Variants in PPARGC1B observed in about 807,000 individuals in gnomAD.
The protein encoded by PPARGC1B is peroxisome proliferator-activated receptor gamma coactivator 1-beta.
Under a neutral mutation model 101.6 loss-of-function variants are expected in PPARGC1B, and 34 were observed. The ratio of observed to expected loss-of-function variants is 0.33; its 90% confidence interval spans 0.25 to 0.45. The LOEUF (loss-of-function observed/expected upper bound fraction) is 0.45, where lower values mean the gene tolerates loss of function less well. Ranked by LOEUF, PPARGC1B falls within the 20% of genes least tolerant of loss-of-function variation. The pLI, the probability that PPARGC1B is intolerant of heterozygous loss-of-function variation, is 1.00. For missense variants in PPARGC1B, 1,234 were observed against 1,317.6 expected, an observed-to-expected ratio of 0.94 and a Z score of 0.98; for synonymous variants, 548 against 539.3, an observed-to-expected ratio of 1.02 and a Z score of -0.22.
chr5:149,827,842 G>A (rs1053065247), intron 3 of PPARGC1B, among the ~76,000 whole-genome samples: 1 of 152,176 alleles, frequency 6.6e-6, no homozygotes, highest in East Asian at 1.9e-4. Context: ...CTCTCAATCC[G>A]GGCTGAGAGC....
In PPARGC1B at chr5:149,847,803, C is replaced by G. The variant is rs1307750609; in HGVS notation, c.*245C>G. 1 of 513,024 alleles carries G rather than the reference C, an allele frequency of 1.9e-6. No individual in the cohort carries two copies. Among genetic ancestry groups the G allele is most frequent in the Non-Finnish European group, 3.5e-6 (1 of 287,328 alleles). 31.8% of individuals were successfully genotyped at this position (513,024 alleles called of 1,614,324 possible). ...CACTGCCACATTAGTGTCCTCGCTT[C>G]CAACGGGTTGTCCCGGGTGCACCTC... is the stretch of plus-strand genomic sequence containing the variant. On this transcript the variant is annotated 3_prime_UTR_variant, in exon 12 of 12. Coordinates refer to ENST00000309241, the MANE Select transcript of PPARGC1B (RefSeq NM_133263.4).
At chr5:149,785,044 C>G (rs1162434093) in intron 1 of PPARGC1B, among the ~76,000 whole-genome samples, 3 of 152,210 alleles carry the variant, frequency 2.0e-5, no homozygotes, top group Non-Finnish European at 4.4e-5. Context: ...TTTATATACT[C>G]TCTCAGGGTG....
chr5:149,753,539 A>C (rs936383448), intron 1 of PPARGC1B, among the ~76,000 whole-genome samples: 18 of 152,120 alleles, frequency 1.2e-4, no homozygotes, highest in African/African-American at 4.3e-4. Flanking sequence ...TAGTTAAAAA[A>C]ATTTTTTTTA....
rs560944880 is a variant in PPARGC1B, at chr5:149,852,807, C to T, written c.*5249C>T. On this transcript the variant is annotated 3_prime_UTR_variant, in exon 12 of 12. Transcript: ENST00000309241. ...ATGGGGCAACAGGAGGCATTGATCG[C>T]GCTGCATATGTTTAGGGCAGCTTTT... 5.9e-5 allele frequency: 9 copies of T among 151,518 alleles called. No homozygotes were observed. The highest frequency in any genetic ancestry group is 1.9e-4 in the African/African-American group (8 of 41,250). The allele number at this position is 151,518 out of a possible 1,614,324, so 9.4% of individuals were successfully genotyped here.
At position 149,833,233 on chromosome 5, in the gene PPARGC1B, G is replaced by T. The variant is rs368473285; in HGVS notation, c.1160G>T (p.Arg387Leu). The change falls in exon 5 of 12, where the codon CGC (arginine) becomes CTC (leucine). Residue 387 changes from arginine (R) to leucine (L), a missense_variant. This residue lies in a region of PPARGC1B where 734 missense variants were observed against 768.4 expected (regional missense o/e 0.96). Transcript: ENST00000309241. This position sits in a 1 kb window ranked among gnomAD's most constrained non-coding sequence, Gnocchi z 4.1. Reference sequence around the variant, plus strand: ...AAAGACAGTCAGGCCTCCCCTGGTCGCCCGTCCTCGGTGGAGGAGGTAAGG... The same window carrying T: ...AAAGACAGTCAGGCCTCCCCTGGTCTCCCGTCCTCGGTGGAGGAGGTAAGG... ...PPKDSQASPG[R>L]PSSVEEVRIA... The T allele has an allele frequency of 1.9e-6, 3 of 1,613,170 alleles. No individual in the cohort carries two copies. In the South Asian group the frequency reaches 3.3e-5, roughly 18 times the overall value.
intron 1 of PPARGC1B, among the ~76,000 whole-genome samples, chr5:149,765,385 A>C (rs1755872215): frequency 6.6e-6 from 1 of 152,198 alleles, no homozygotes; most frequent in Non-Finnish European, 1.5e-5. Context: ...CCATCTCTGG[A>C]GCAGAACCAC....
At chr5:149,762,208 G>A (rs1308253628) in intron 1 of PPARGC1B, among the ~76,000 whole-genome samples, 2 of 151,338 alleles carry the variant, frequency 1.3e-5, no homozygotes, top group Admixed American at 6.6e-5. Flanking sequence ...GAGTGCAGGG[G>A]TGCAATCTCG....
intron 1 of PPARGC1B, among the ~76,000 whole-genome samples, chr5:149,738,593 C>T (rs1256901553): frequency 6.6e-6 from 1 of 151,222 alleles, no homozygotes; most frequent in East Asian, 2.0e-4. Flanking sequence ...GAAAGCCTGC[C>T]CTCTCTGGAA....
rs762495323 is a variant in PPARGC1B at position 149,833,688 on chromosome 5, G to A, written c.1615G>A (p.Gly539Arg). Residue 539 changes from glycine to arginine, a missense_variant, in exon 5 of 12, where the codon GGA (glycine) becomes AGA (arginine). This residue lies in a region of PPARGC1B where 734 missense variants were observed against 768.4 expected (regional missense o/e 0.96). Transcript: ENST00000309241. This position sits in a 1 kb window ranked among gnomAD's most constrained non-coding sequence, Gnocchi z 4.1. Reference sequence around the variant, plus strand: ...TGGCCAAGACCAGCAGCTCCTACGGGGACCCCAGATCCCTGCCCTGGAGAG... The same window carrying A: ...TGGCCAAGACCAGCAGCTCCTACGGAGACCCCAGATCCCTGCCCTGGAGAG... ...DSGQDQQLLR[G>R]PQIPALESPC... 22 of 1,608,818 alleles carry A rather than the reference G, an allele frequency of 1.4e-5. No homozygotes were observed. The South Asian group carries it at 2.3e-4, about 17-fold the overall frequency.
At chr5:149,731,556 T>C (rs1580987444) in intron 1 of PPARGC1B, among the ~76,000 whole-genome samples, 1 of 121,204 alleles carries the variant, frequency 8.3e-6, no homozygotes, top group African/African-American at 3.2e-5. Flanking sequence ...GTTTGGTACC[T>C]GGAGTGGGAG....
rs1757385800 is a variant in PPARGC1B at position 149,800,205 on chromosome 5, A to G, written c.79-20228A>G. ...ATGGATATATGAAGTGTACCTATCT[A>G]TGCATCATAAAAAAAGTGTAAACAG... On this transcript the variant is annotated intron_variant, in intron 1 of 11. Coordinates refer to ENST00000309241, the MANE Select transcript of PPARGC1B (RefSeq NM_133263.4). Among the ~76,000 whole-genome samples, 4 of 152,060 alleles carry G rather than the reference A, an allele frequency of 2.6e-5. No homozygotes were observed. The South Asian group carries it at 8.3e-4, about 32-fold the overall frequency.
chr5:149,748,799 C>T (rs532350436), intron 1 of PPARGC1B, among the ~76,000 whole-genome samples: 4 of 152,274 alleles, frequency 2.6e-5, no homozygotes, highest in South Asian at 2.1e-4. Context: ...GAGGAACAGA[C>T]AGCATGAACG....
rs964581278 is a variant in PPARGC1B, at chr5:149,847,664, G to A, written c.*106G>A. On this transcript the variant is annotated 3_prime_UTR_variant, in exon 12 of 12. Transcript: ENST00000309241. ...GTATATGAGGAGAGCGAGCGAGCGT[G>A]AGAGAACACCCGTGAGAGAGACTTG... 3.7e-6 allele frequency: 3 copies of A among 804,036 alleles called. No homozygotes were observed. The highest frequency in any genetic ancestry group is 1.7e-5 in the African/African-American group (1 of 58,288). 49.8% of individuals were successfully genotyped at this position (804,036 alleles called of 1,614,324 possible). A position where few individuals can be genotyped will look rare whatever the true frequency, so the allele number is the denominator to read the frequency against.
At position 149,730,477 on chromosome 5, in the gene PPARGC1B, C is replaced by A; in HGVS notation, c.78+57C>A. ...CAGGGGTGCTGAGCTGCGGGGGCCG[C>A]AGCTGCAGCCGCGGAGGCCGGGAGG... On this transcript the variant is annotated intron_variant, in intron 1 of 11. Transcript: ENST00000309241. The surrounding 1 kb of genome is among the most constrained non-coding windows in gnomAD (Gnocchi z 4.0). 7.2e-7 allele frequency: 1 copy of A among 1,380,074 alleles called. No individual in the cohort carries two copies. The highest frequency in any genetic ancestry group is 9.7e-7 in the Non-Finnish European group (1 of 1,032,008). The allele number at this position is 1,380,074 out of a possible 1,614,324, so 85.5% of individuals were successfully genotyped here.
chr5:149,821,072 C>G (rs539132466), intron 2 of PPARGC1B, among the ~76,000 whole-genome samples: 1 of 152,330 alleles, frequency 6.6e-6, no homozygotes, highest in African/African-American at 2.4e-5. Context: ...CTTCTTGCCT[C>G]CAGAGCCGGG....
In PPARGC1B at chr5:149,854,628, T is replaced by C. The variant is rs1012292704; in HGVS notation, c.*7070T>C. On this transcript the variant is annotated 3_prime_UTR_variant, in exon 12 of 12. Coordinates refer to ENST00000309241, the MANE Select transcript of PPARGC1B (RefSeq NM_133263.4). ...TGGGTTGTGTCCTTATTTATATAAA[T>C]ACTTTATCCGTAAGAGGCAAGGAGG... 2.0e-5 allele frequency: 3 copies of C among 152,210 alleles called. No individual in the cohort carries two copies. Among genetic ancestry groups the C allele is most frequent in the African/African-American group, 7.2e-5 (3 of 41,450 alleles). The allele number at this position is 152,210 out of a possible 1,614,324, so 9.4% of individuals were successfully genotyped here.
chr5:149,803,677 G>C (rs1303031978), intron 1 of PPARGC1B, among the ~76,000 whole-genome samples: 1 of 152,148 alleles, frequency 6.6e-6, no homozygotes, highest in African/African-American at 2.4e-5. Context: ...TTAGCACACA[G>C]TAAGGAGGCC....
At chr5:149,816,799 G>T (rs1391329912) in intron 1 of PPARGC1B, among the ~76,000 whole-genome samples, 1 of 152,192 alleles carries the variant, frequency 6.6e-6, no homozygotes, top group African/African-American at 2.4e-5. Flanking sequence ...CCGTGTCTCT[G>T]CTTTTGGCCC....
intron 1 of PPARGC1B, among the ~76,000 whole-genome samples, chr5:149,813,319 G>T (rs1352383046): frequency 6.6e-6 from 1 of 152,166 alleles, no homozygotes; most frequent in Non-Finnish European, 1.5e-5. Flanking sequence ...AGTCGGGCAG[G>T]ACTTAGGATA....
Sources: allele counts gnomAD v4.1 joint callset (sites outside exome capture counted in the v4.1 genomes callset), GRCh38; gene constraint gnomAD v4.1.1; regional missense constraint gnomAD v4.1.1; non-coding constraint Gnocchi (gnomAD v3.1); transcripts MANE v1.5; gene names NCBI Gene and HGNC (gene_info 2026-07-23, HGNC 2026-07-21).